The following LYPD6 variants were observed in gnomAD, a reference collection of about 807,000 sequenced individuals.
LYPD6 encodes the protein ly6/PLAUR domain-containing protein 6.
In LYPD6, 15 loss-of-function variants were observed where a neutral mutation model predicts 22.7. The ratio of observed to expected loss-of-function variants is 0.66; its 90% confidence interval spans 0.44 to 1.02. The LOEUF is 1.02. LYPD6 is among the 50% of genes least tolerant of loss of function. LYPD6 has a pLI of 0.00. For missense variants in LYPD6, 189 were observed against 208.4 expected (o/e 0.91, Z 0.57); for synonymous variants, 72 against 77.5 (o/e 0.93, Z 0.37).
At chr2:149,481,913 G>A in the LYPD6 span, among the ~76,000 whole-genome samples, 1 of 152,126 alleles carries the variant, frequency 6.6e-6, no homozygotes, top group Non-Finnish European at 1.5e-5. Context: ...GTTTGTGGTT[G>A]TTATTACTTT....
At chr2:149,456,267 T>C (rs1483559196) in intron 3 of LYPD6, among the ~76,000 whole-genome samples, 1 of 152,242 alleles carries the variant, frequency 6.6e-6, no homozygotes, top group Non-Finnish European at 1.5e-5. Flanking sequence ...TCTTTCGCTT[T>C]CAATTTTACT....
intron 1 of LYPD6, among the ~76,000 whole-genome samples, chr2:149,377,875 T>A (rs1173356059): frequency 6.7e-6 from 1 of 148,678 alleles, no homozygotes; most frequent in East Asian, 2.0e-4. Flanking sequence ...GCTTTATCAT[T>A]ACTCTTGCCC....
the LYPD6 span, among the ~76,000 whole-genome samples, chr2:149,480,023 T>G: frequency 6.6e-6 from 1 of 151,826 alleles, no homozygotes; most frequent in African/African-American, 2.4e-5. Context: ...CTCTCTCTTT[T>G]TTTTTTTTTG....
chr2:149,408,704 A>C (rs969820137), intron 1 of LYPD6, among the ~76,000 whole-genome samples: 14 of 152,064 alleles, frequency 9.2e-5, no homozygotes, highest in Non-Finnish European at 7.4e-5. Flanking sequence ...TGTTGTGAAG[A>C]CTTCCCAGTG....
At chr2:149,453,471 C>CA (rs1680880663) in intron 3 of LYPD6, among the ~76,000 whole-genome samples, 1 of 152,162 alleles carries the variant, frequency 6.6e-6, no homozygotes, top group South Asian at 2.1e-4. Context: ...CCCTCTAAGG[C>CA]AAAATCTCCA....
At chr2:149,342,343 T>C (rs2105050169) in intron 1 of LYPD6, among the ~76,000 whole-genome samples, 1 of 152,288 alleles carries the variant, frequency 6.6e-6, no homozygotes, top group East Asian at 1.9e-4. Context: ...ATTTTTAAAA[T>C]ATACAAAAGT....
chr2:149,438,462 T>G (rs1683484962), intron 2 of LYPD6, among the ~76,000 whole-genome samples: 1 of 152,212 alleles, frequency 6.6e-6, no homozygotes. Flanking sequence ...GACTTCCTCT[T>G]TTGGTCTCTA....
intron 1 of LYPD6, among the ~76,000 whole-genome samples, chr2:149,418,957 A>T (rs1683022549): frequency 6.6e-6 from 1 of 152,218 alleles, no homozygotes. Flanking sequence ...AGGCTGCTTC[A>T]ATTCAAATTT....
intron 1 of LYPD6, among the ~76,000 whole-genome samples, chr2:149,394,305 TAGAC>T (rs768977788): frequency 1.3e-5 from 2 of 152,136 alleles, no homozygotes; most frequent in South Asian, 2.1e-4. Flanking sequence ...TTGGTACAAG[TAGAC>T]AGAGTTGTCA....
intron 2 of LYPD6, among the ~76,000 whole-genome samples, chr2:149,447,841 A>G (rs1054882830): frequency 6.6e-6 from 1 of 152,222 alleles, no homozygotes; most frequent in Non-Finnish European, 1.5e-5. Flanking sequence ...CAATTTTAGG[A>G]CATAGTACAT....
chr2:149,478,934 C>G (rs1290999007), downstream of LYPD6, among the ~76,000 whole-genome samples: 2 of 152,138 alleles, frequency 1.3e-5, no homozygotes, highest in Non-Finnish European at 2.9e-5. Flanking sequence ...AACCCTAATT[C>G]TCCATCCAGC....
In LYPD6 at chr2:149,470,936, T is replaced by C; in HGVS notation, c.*86T>C. On this transcript the variant is annotated 3_prime_UTR_variant, in exon 5 of 5. Coordinates refer to ENST00000334166, the MANE Select transcript of LYPD6 (RefSeq NM_194317.5). ...GCATGAGTCATTGGCCTGACAGTAA[T>C]TACACATGTGAGACACAACACTCTT... 1 of 1,246,422 alleles carries C rather than the reference T, an allele frequency of 8.0e-7. No homozygotes were observed. The highest frequency in any genetic ancestry group is 1.9e-5 in the Admixed American group (1 of 52,060). The allele number at this position is 1,246,422 out of a possible 1,614,324, so 77.2% of individuals were successfully genotyped here. A position where few individuals can be genotyped will look rare whatever the true frequency, so the allele number is the denominator to read the frequency against.
chr2:149,336,104 C>T (rs1190494388), intron 1 of LYPD6, among the ~76,000 whole-genome samples: 1 of 152,178 alleles, frequency 6.6e-6, no homozygotes, highest in African/African-American at 2.4e-5. Context: ...TCATTCATGA[C>T]CTTTTCTTAT....
intron 1 of LYPD6, among the ~76,000 whole-genome samples, chr2:149,351,392 TAAAAA>T (rs71397025): frequency 2.4e-5 from 2 of 83,116 alleles, no homozygotes; most frequent in Admixed American, 3.1e-4. Context: ...AGACTCCATC[TAAAAA>T]AAAAAAAAAA....
chr2:149,355,726 A>G (rs1184585084), intron 1 of LYPD6, among the ~76,000 whole-genome samples: 2 of 152,178 alleles, frequency 1.3e-5, no homozygotes, highest in East Asian at 1.9e-4. Context: ...TAACTCTCCT[A>G]TTACGTTCAA....
At chr2:149,353,559 A>G (rs1218412428) in intron 1 of LYPD6, among the ~76,000 whole-genome samples, 1 of 152,182 alleles carries the variant, frequency 6.6e-6, no homozygotes, top group Non-Finnish European at 1.5e-5. Flanking sequence ...TGAACCTGTG[A>G]TATATACTAT....
chr2:149,415,799 TGGGACTACA>T (rs1338495876), intron 1 of LYPD6, among the ~76,000 whole-genome samples: 2 of 152,066 alleles, frequency 1.3e-5, no homozygotes, highest in Non-Finnish European at 2.9e-5. Flanking sequence ...CCTGAGAAGC[TGGGACTACA>T]GGCGCACACC....
downstream of LYPD6, among the ~76,000 whole-genome samples, chr2:149,478,549 A>G (rs948973769): frequency 6.6e-6 from 1 of 151,792 alleles, no homozygotes; most frequent in African/African-American, 2.4e-5. Flanking sequence ...TCAGCCTCCT[A>G]AGTAGCTAGG....
chr2:149,378,915 A>G (rs1293940007), intron 1 of LYPD6, among the ~76,000 whole-genome samples: 1 of 152,212 alleles, frequency 6.6e-6, no homozygotes, highest in Admixed American at 6.5e-5. Context: ...TGACCGGAAT[A>G]TAGATCACAA....
Sources: gnomAD v4.1 joint callset for allele counts (sites outside exome capture counted in the v4.1 genomes callset) on GRCh38, gnomAD v4.1.1 for gene constraint, MANE v1.5 for transcripts, NCBI Gene and HGNC (gene_info 2026-07-23, HGNC 2026-07-21) for gene names.